The following PTPRM variants were observed in gnomAD, a reference collection of about 807,000 sequenced individuals.
PTPRM encodes the protein receptor-type tyrosine-protein phosphatase mu.
PTPRM carries 47 observed loss-of-function variants against 186.7 expected under a neutral mutation model. The ratio of observed to expected loss-of-function variants is 0.25; its 90% CI spans 0.20 to 0.32. The LOEUF (loss-of-function observed/expected upper bound fraction) is 0.32. Among genes scored for constraint, PTPRM ranks in the 10% least tolerant of loss-of-function variants. PTPRM has a pLI of 1.00. For synonymous variants in PTPRM, 668 were observed against 674.9 expected, an observed-to-expected ratio of 0.99 and a Z score of 0.16; for missense variants, 1,494 against 1,865.0, an observed-to-expected ratio of 0.80 and a Z score of 3.66.
chr18:7,676,330 T>C (rs1417944150), intron 1 of PTPRM, among the ~76,000 whole-genome samples: 1 of 152,192 alleles, frequency 6.6e-6, no homozygotes, highest in East Asian at 1.9e-4. Flanking sequence ...AAAAGTTTGG[T>C]GGCTGGCGAT....
At chr18:8,375,624 G>C (rs2095689824) in intron 24 of PTPRM, among the ~76,000 whole-genome samples, 1 of 152,178 alleles carries the variant, frequency 6.6e-6, no homozygotes, top group South Asian at 2.1e-4. Flanking sequence ...ACACGGAGTT[G>C]GTATTGAGCA....
intron 5 of PTPRM, among the ~76,000 whole-genome samples, chr18:7,929,781 A>ACT (rs1288686341): frequency 6.6e-6 from 1 of 151,290 alleles, no homozygotes; most frequent in African/African-American, 2.4e-5. Context: ...AGGACCCCTC[A>ACT]CTCCCCCTTG....
chr18:7,622,256 G>A (rs1270442372), intron 1 of PTPRM, among the ~76,000 whole-genome samples: 1 of 150,586 alleles, frequency 6.6e-6, no homozygotes, highest in African/African-American at 2.4e-5. Flanking sequence ...CTTTTTTTTT[G>A]GTTTAAGAAT....
In PTPRM at chr18:8,379,466, A is replaced by C. The variant is rs962331135; in HGVS notation, c.3786+126A>C. ...TTTTAAGACACAAACTTTTTTTTCCAACAAAAAATAGATTTCAGATTCCAC... is the reference window on the plus strand; with the variant it reads ...TTTTAAGACACAAACTTTTTTTTCCCACAAAAAATAGATTTCAGATTCCAC... On this transcript the variant is annotated intron_variant, in intron 28 of 32. Coordinates refer to ENST00000580170, the MANE Select transcript of PTPRM (RefSeq NM_001105244.2). 2.7e-5 allele frequency: 27 copies of C among 1,014,416 alleles called. No individual in the cohort carries two copies. In the East Asian group the frequency reaches 8.0e-4, roughly 30 times the overall value. 62.8% of individuals were successfully genotyped at this position (1,014,416 alleles called of 1,614,324 possible).
intron 22 of PTPRM, among the ~76,000 whole-genome samples, chr18:8,327,616 C>A (rs79129509): frequency 2.2e-4 from 34 of 152,272 alleles, no homozygotes; most frequent in South Asian, 1.2e-3. Flanking sequence ...AATATCTCAG[C>A]CAGGTAGAGA....
intron 1 of PTPRM, among the ~76,000 whole-genome samples, chr18:7,635,921 A>T (rs1437902229): frequency 6.6e-6 from 1 of 152,224 alleles, no homozygotes; most frequent in African/African-American, 2.4e-5. Flanking sequence ...CATTTGATAG[A>T]GTTACCCATT....
intron 2 of PTPRM, among the ~76,000 whole-genome samples, chr18:7,857,164 G>A (rs1046392418): frequency 6.6e-6 from 1 of 152,134 alleles, no homozygotes; most frequent in African/African-American, 2.4e-5. Flanking sequence ...GAGAAGTGGT[G>A]CAGAGGGGCA....
intron 22 of PTPRM, among the ~76,000 whole-genome samples, chr18:8,320,186 C>G (rs1028920375): frequency 6.6e-6 from 1 of 152,174 alleles, no homozygotes; most frequent in African/African-American, 2.4e-5. Flanking sequence ...AGGATGTGAT[C>G]TGCCAAAGGT....
intron 7 of PTPRM, among the ~76,000 whole-genome samples, chr18:7,967,390 G>A (rs2054206290): frequency 1.0e-4 from 1 of 9,764 alleles, no homozygotes; most frequent in African/African-American, 4.1e-4. Flanking sequence ...ACTCTAAAAC[G>A]CAGAGCGCCT....
intron 1 of PTPRM, among the ~76,000 whole-genome samples, chr18:7,693,887 AG>A (rs35978733): frequency 0.45 from 67,874 of 151,924 alleles, 16,266 homozygotes; most frequent in East Asian, 0.94. Context: ...GAACAGGAGT[AG>A]GGGAAGGAAG....
intron 20 of PTPRM, among the ~76,000 whole-genome samples, chr18:8,312,900 T>C (rs1318611968): frequency 6.6e-6 from 1 of 152,178 alleles, no homozygotes; most frequent in African/African-American, 2.4e-5. Context: ...TGTCATGAAG[T>C]GGAAAGCCCC....
intron 2 of PTPRM, among the ~76,000 whole-genome samples, chr18:7,884,741 GGTGAAACCTT>G (rs2048683947): frequency 6.6e-6 from 1 of 151,820 alleles, no homozygotes; most frequent in Non-Finnish European, 1.5e-5. Flanking sequence ...TGACCAACAT[GGTGAAACCTT>G]GTCTCTACTA....
At chr18:7,785,337 A>G (rs1359950521) in intron 2 of PTPRM, among the ~76,000 whole-genome samples, 2 of 152,220 alleles carry the variant, frequency 1.3e-5, no homozygotes, top group South Asian at 2.1e-4. Flanking sequence ...CAAAAAGCAT[A>G]TGAATATGTT....
At chr18:7,685,876 A>G (rs1372968201) in intron 1 of PTPRM, among the ~76,000 whole-genome samples, 1 of 152,204 alleles carries the variant, frequency 6.6e-6, no homozygotes, top group Non-Finnish European at 1.5e-5. Context: ...ACAAAAGGGC[A>G]CCTGCATCAT....
At chr18:8,113,858 G>C (rs2091854615) in intron 12 of PTPRM, 99 bp downstream of exon 12, 5 of 1,175,764 alleles carry the variant, frequency 4.3e-6, no homozygotes, top group Non-Finnish European at 5.8e-6. Flanking sequence ...ATGCTTTTCT[G>C]CATTTCTACT....
At chr18:7,854,122 A>C (rs1196130149) in intron 2 of PTPRM, among the ~76,000 whole-genome samples, 1 of 152,212 alleles carries the variant, frequency 6.6e-6, no homozygotes, top group East Asian at 1.9e-4. Flanking sequence ...TAAGAGAATG[A>C]AGGAAAATAA....
chr18:8,284,526 T>C (rs1006006528), intron 19 of PTPRM, among the ~76,000 whole-genome samples: 4 of 152,032 alleles, frequency 2.6e-5, no homozygotes, highest in African/African-American at 9.7e-5. Flanking sequence ...ACATTTGGGG[T>C]ATAATGCCCT....
intron 14 of PTPRM, among the ~76,000 whole-genome samples, chr18:8,203,219 G>A (rs1386390796): frequency 6.6e-6 from 1 of 152,168 alleles, no homozygotes; most frequent in Non-Finnish European, 1.5e-5. Context: ...AGGGTAACAC[G>A]ATGTAACTGG....
At chr18:8,304,611 C>T (rs767826906) in intron 20 of PTPRM, among the ~76,000 whole-genome samples, 3 of 151,252 alleles carry the variant, frequency 2.0e-5, no homozygotes, top group Non-Finnish European at 4.4e-5. Flanking sequence ...ATGATATAAA[C>T]ATGAGTTTAA....
Sources: allele counts gnomAD v4.1 joint callset (sites outside exome capture counted in the v4.1 genomes callset), GRCh38; gene constraint gnomAD v4.1.1; transcripts MANE v1.5; gene names NCBI Gene and HGNC (gene_info 2026-07-23, HGNC 2026-07-21).